Variants in DAAM1 observed in about 807,000 individuals in gnomAD.
The protein encoded by DAAM1 is dishevelled associated activator of morphogenesis 1, also known as disheveled-associated activator of morphogenesis 1.
In DAAM1, 52 loss-of-function variants were observed where a neutral mutation model predicts 130.0. The observed-to-expected ratio is 0.40, with a 90% CI of 0.32 to 0.50. DAAM1 has a LOEUF of 0.50. Ranked by LOEUF, DAAM1 falls within the 20% of genes least tolerant of loss-of-function variation. The pLI, the probability that DAAM1 is intolerant of heterozygous loss-of-function variation, is 0.61. For missense variants in DAAM1, 1,134 were observed against 1,303.8 expected (o/e 0.87, Z 2.01); for synonymous variants, 452 against 444.5 (o/e 1.02, Z -0.21).
chr14:59,262,818 A>G (rs1396753737), intron 1 of DAAM1, among the ~76,000 whole-genome samples: 1 of 152,126 alleles, frequency 6.6e-6, no homozygotes, highest in Non-Finnish European at 1.5e-5. Context: ...TAATACAGTG[A>G]ACATTTATGG....
chr14:59,263,830 G>T, intron 2 of DAAM1, 170 bp downstream of exon 2: 1 of 774,452 alleles, frequency 1.3e-6, no homozygotes, highest in Non-Finnish European at 2.1e-6. Flanking sequence ...TGTGGAGAAG[G>T]AAGAGTTAGA....
At chr14:59,200,218 C>G (rs992859793) in intron 1 of DAAM1, among the ~76,000 whole-genome samples, 2 of 152,082 alleles carry the variant, frequency 1.3e-5, no homozygotes, top group Non-Finnish European at 2.9e-5. Context: ...CAGGGTAAGC[C>G]CAGCAGATCT....
intron 1 of DAAM1, among the ~76,000 whole-genome samples, chr14:59,209,409 C>T (rs1264471496): frequency 3.3e-5 from 5 of 152,216 alleles, no homozygotes; most frequent in East Asian, 1.9e-4. Context: ...ACAAAAGGTG[C>T]GTAATTTTCG....
chr14:59,347,171 G>A (rs575655020), intron 16 of DAAM1, among the ~76,000 whole-genome samples: 27 of 152,258 alleles, frequency 1.8e-4, no homozygotes, highest in South Asian at 4.1e-4. Context: ...CACTCCTGAC[G>A]TATAAACAGG....
intron 1 of DAAM1, among the ~76,000 whole-genome samples, chr14:59,228,587 A>G (rs1390507897): frequency 6.6e-6 from 1 of 152,122 alleles, no homozygotes; most frequent in South Asian, 2.1e-4. Flanking sequence ...AAACAGGGCT[A>G]TTTTTAGATT....
At chr14:59,346,760 C>T (rs1399569545) in intron 16 of DAAM1, among the ~76,000 whole-genome samples, 1 of 152,140 alleles carries the variant, frequency 6.6e-6, no homozygotes, top group Non-Finnish European at 1.5e-5. Context: ...TTATATTTTA[C>T]AGTCAATACT....
chr14:59,339,217 A>C (rs898067862), intron 15 of DAAM1, among the ~76,000 whole-genome samples: 2 of 152,254 alleles, frequency 1.3e-5, no homozygotes, highest in Non-Finnish European at 2.9e-5. Flanking sequence ...TAAAATGTAG[A>C]TACAACTTTG....
At chr14:59,213,049 C>T (rs959014990) in intron 1 of DAAM1, among the ~76,000 whole-genome samples, 1 of 152,076 alleles carries the variant, frequency 6.6e-6, no homozygotes, top group Non-Finnish European at 1.5e-5. Context: ...CACACCACCC[C>T]CTCCCCAGGA....
intron 1 of DAAM1, among the ~76,000 whole-genome samples, chr14:59,204,405 T>C (rs1888198596): frequency 6.6e-6 from 1 of 152,216 alleles, no homozygotes; most frequent in African/African-American, 2.4e-5. Context: ...GTTCACAGTG[T>C]GGATGTTTGC....
intron 1 of DAAM1, among the ~76,000 whole-genome samples, chr14:59,206,362 G>T (rs890614809): frequency 5.3e-5 from 8 of 151,790 alleles, no homozygotes; most frequent in African/African-American, 1.9e-4. Context: ...TGCAAGCTCC[G>T]CCTCCCAGGT....
intron 4 of DAAM1, among the ~76,000 whole-genome samples, chr14:59,316,404 T>G (rs1884798028): frequency 1.3e-5 from 2 of 152,348 alleles, no homozygotes; most frequent in South Asian, 4.1e-4. Context: ...TCTTGACTTT[T>G]AGTAACTTCC....
intron 1 of DAAM1, among the ~76,000 whole-genome samples, chr14:59,207,256 A>G (rs1888287815): frequency 1.3e-5 from 2 of 152,194 alleles, no homozygotes; most frequent in Non-Finnish European, 2.9e-5. Context: ...TTCTATAGGC[A>G]TGTAAGGCAA....
chr14:59,358,169 C>G (rs1026422365), intron 20 of DAAM1, among the ~76,000 whole-genome samples: 3 of 152,216 alleles, frequency 2.0e-5, no homozygotes, highest in Non-Finnish European at 2.9e-5. Flanking sequence ...ATGCCTGACT[C>G]CACCTCATTC....
At chr14:59,247,488 C>T (rs1019213217) in intron 1 of DAAM1, among the ~76,000 whole-genome samples, 3 of 152,102 alleles carry the variant, frequency 2.0e-5, no homozygotes, top group East Asian at 1.9e-4. Context: ...GTGTTGTCAT[C>T]GTAACAATAT....
chr14:59,363,381 T>C (rs1016272557), intron 22 of DAAM1: 17 of 292,650 alleles, frequency 5.8e-5, no homozygotes, highest in Non-Finnish European at 1.0e-4. Context: ...TCTGCTTGCT[T>C]TCTAAAGCCT....
chr14:59,323,783 A>G (rs1156493135), intron 6 of DAAM1, among the ~76,000 whole-genome samples: 1 of 152,152 alleles, frequency 6.6e-6, no homozygotes, highest in Non-Finnish European at 1.5e-5. Context: ...CTCTAATCCC[A>G]GCACTTTGGG....
At chr14:59,267,894 G>GCC (rs1198577063) in intron 2 of DAAM1, among the ~76,000 whole-genome samples, 21 of 113,156 alleles carry the variant, frequency 1.9e-4, no homozygotes, top group African/African-American at 5.3e-4. Flanking sequence ...GTGGATATAC[G>GCC]CCCCCCCCTT....
chr14:59,359,474 T>C lies in DAAM1; in HGVS notation c.2603T>C (p.Leu868Ser). 1.2e-6 allele frequency: 2 copies of C among 1,613,826 alleles called. No homozygotes were observed. The highest frequency in any genetic ancestry group is 1.7e-6 in the Non-Finnish European group (2 of 1,179,802). Reference sequence around the variant, plus strand: ...AGTGTTCTCAATCTAAATGAAGAATTGCGAGATATTCCTCAAGCTGCGAAA... The same window carrying C: ...AGTGTTCTCAATCTAAATGAAGAATCGCGAGATATTCCTCAAGCTGCGAAA... The part of the protein sequence containing the change: ...YPSVLNLNEE[L>S]RDIPQAAKVN... Residue 868 changes from leucine to serine, a missense_variant, in exon 21 of 25, where the codon TTG (leucine) becomes TCG (serine). Leu to Ser is a moderately radical substitution (Grantham distance 145, BLOSUM62 -2). Coordinates refer to ENST00000360909, the MANE Select transcript of DAAM1 (RefSeq NM_001270520.2).
intron 1 of DAAM1, among the ~76,000 whole-genome samples, chr14:59,194,095 G>A (rs1887814030): frequency 6.6e-6 from 1 of 152,064 alleles, no homozygotes. Context: ...TGGCAGACCA[G>A]GTTAGGGACT....
Sources: allele counts gnomAD v4.1 joint callset (sites outside exome capture counted in the v4.1 genomes callset), GRCh38; gene constraint gnomAD v4.1.1; transcripts MANE v1.5; gene names NCBI Gene and HGNC (gene_info 2026-07-23, HGNC 2026-07-21).